The following ACOXL variants were observed in gnomAD, a reference collection of about 807,000 sequenced individuals.
ACOXL encodes acyl-CoA oxidase like.
A neutral mutation model predicts 71.9 loss-of-function variants in ACOXL; 70 were observed. The ratio of observed to expected loss-of-function variants is 0.97; its 90% CI spans 0.80 to 1.19. ACOXL has a LOEUF of 1.19. Among genes scored for constraint, ACOXL ranks in the 50% most tolerant of loss-of-function variants. The pLI, the probability that ACOXL is intolerant of heterozygous loss-of-function variation, is 0.00. For synonymous variants in ACOXL, 253 were observed against 281.6 expected, an observed-to-expected ratio of 0.90 and a Z score of 1.02; for missense variants, 703 against 736.3, an observed-to-expected ratio of 0.95 and a Z score of 0.52.
chr2:111,002,470 T>C (rs1377721353), intron 14 of ACOXL, among the ~76,000 whole-genome samples: 1 of 152,242 alleles, frequency 6.6e-6, no homozygotes, highest in Admixed American at 6.5e-5. Context: ...TCTATGTCAA[T>C]AAAAACATGA....
At chr2:111,074,632 T>A (rs1401851913) in intron 16 of ACOXL, among the ~76,000 whole-genome samples, 1 of 152,090 alleles carries the variant, frequency 6.6e-6, no homozygotes. Flanking sequence ...TCTCATACCA[T>A]CTCCCGTGCT....
intron 12 of ACOXL, among the ~76,000 whole-genome samples, chr2:110,949,002 C>G (rs751750392): frequency 5.9e-5 from 9 of 151,818 alleles, no homozygotes; most frequent in Non-Finnish European, 1.2e-4. Context: ...TGACTTAGAT[C>G]TGATGTGGCA....
chr2:110,931,930 T>G (rs2060491672), intron 11 of ACOXL, among the ~76,000 whole-genome samples: 1 of 152,232 alleles, frequency 6.6e-6, no homozygotes, highest in Non-Finnish European at 1.5e-5. Context: ...ATGTATTTAC[T>G]CAAGAGAAAT....
intron 16 of ACOXL, among the ~76,000 whole-genome samples, chr2:111,075,637 A>T (rs896898200): frequency 6.7e-6 from 1 of 150,298 alleles, no homozygotes; most frequent in Non-Finnish European, 1.5e-5. Flanking sequence ...TTGTTTTTCT[A>T]GTTTCTTGAG....
intron 10 of ACOXL, among the ~76,000 whole-genome samples, chr2:110,853,794 G>A (rs2148942628): frequency 6.6e-6 from 1 of 152,202 alleles, no homozygotes; most frequent in Non-Finnish European, 1.5e-5. Flanking sequence ...TCTACAAAGT[G>A]CAACAGATAA....
chr2:110,938,607 G>A (rs892660102), intron 12 of ACOXL, among the ~76,000 whole-genome samples: 6 of 152,210 alleles, frequency 3.9e-5, no homozygotes, highest in Non-Finnish European at 1.5e-5. Context: ...GGAATATTCA[G>A]GAGATAGCTG....
chr2:110,853,516 T>C (rs1202064026), intron 10 of ACOXL, among the ~76,000 whole-genome samples: 1 of 152,224 alleles, frequency 6.6e-6, no homozygotes, highest in Non-Finnish European at 1.5e-5. Flanking sequence ...ATACTTTCAA[T>C]ATTCCGTGAT....
intron 12 of ACOXL, among the ~76,000 whole-genome samples, chr2:110,951,475 C>G (rs2061332376): frequency 6.6e-6 from 1 of 152,154 alleles, no homozygotes; most frequent in African/African-American, 2.4e-5. Context: ...GTTTCCAATG[C>G]CATGGTTAAT....
chr2:110,760,367 A>G (rs1431194622), intron 1 of ACOXL, among the ~76,000 whole-genome samples: 2 of 151,804 alleles, frequency 1.3e-5, no homozygotes, highest in Non-Finnish European at 2.9e-5. Flanking sequence ...GATGGTCTCG[A>G]TCTCCTGACC....
chr2:110,933,736 C>G (rs2060564572), intron 12 of ACOXL, 94 bp downstream of exon 12: 10 of 1,426,932 alleles, frequency 7.0e-6, no homozygotes, highest in Non-Finnish European at 7.4e-6. Context: ...GCTTCAGAGT[C>G]TAATAGAAAT....
At chr2:111,057,921 C>T (rs747631719) in intron 16 of ACOXL, among the ~76,000 whole-genome samples, 4 of 152,218 alleles carry the variant, frequency 2.6e-5, no homozygotes, top group African/African-American at 4.8e-5. Context: ...AGCAGCGAGC[C>T]GCCCAGGCGT....
intron 14 of ACOXL, 95 bp downstream of exon 14, chr2:110,996,099 C>A: frequency 1.9e-6 from 2 of 1,043,122 alleles, no homozygotes; most frequent in South Asian, 1.3e-5. Context: ...GAGGATGAGT[C>A]AGCCTAATGA....
intron 12 of ACOXL, among the ~76,000 whole-genome samples, chr2:110,960,150 A>G (rs1316726188): frequency 6.6e-6 from 1 of 152,106 alleles, no homozygotes; most frequent in Non-Finnish European, 1.5e-5. Flanking sequence ...GTCTGAGGGG[A>G]GTGTTCCAGG....
At chr2:110,880,231 T>C (rs1696477891) in intron 10 of ACOXL, among the ~76,000 whole-genome samples, 1 of 150,028 alleles carries the variant, frequency 6.7e-6, no homozygotes, top group Admixed American at 6.6e-5. Context: ...AATGCAGACA[T>C]AGACATAGAG....
intron 1 of ACOXL, among the ~76,000 whole-genome samples, chr2:110,764,186 T>TA (rs1344397408): frequency 6.6e-6 from 1 of 152,224 alleles, no homozygotes; most frequent in Non-Finnish European, 1.5e-5. Context: ...ATGGAAAACT[T>TA]ACGTGCACAC....
At chr2:110,805,444 G>T in intron 9 of ACOXL, 49 bp downstream of exon 9, 1 of 1,610,404 alleles carries the variant, frequency 6.2e-7, no homozygotes, top group Non-Finnish European at 8.5e-7. Flanking sequence ...ATTCTCTCAC[G>T]ACTCAGGGAT....
chr2:110,824,624 T>C (rs945793588), intron 9 of ACOXL, among the ~76,000 whole-genome samples: 2 of 152,232 alleles, frequency 1.3e-5, no homozygotes, highest in African/African-American at 4.8e-5. Flanking sequence ...AGTGAACTTT[T>C]ATTTTCAGAT....
At chr2:110,971,239 A>G (rs946219406) in intron 12 of ACOXL, among the ~76,000 whole-genome samples, 1 of 152,250 alleles carries the variant, frequency 6.6e-6, no homozygotes, top group Non-Finnish European at 1.5e-5. Flanking sequence ...TGTAGCCATT[A>G]TGGAAATGCA....
chr2:110,944,243 C>T (rs987978550), intron 12 of ACOXL, among the ~76,000 whole-genome samples: 3 of 151,836 alleles, frequency 2.0e-5, no homozygotes, highest in African/African-American at 7.3e-5. Flanking sequence ...ATAGTAGAGA[C>T]GGGTTTCACT....
Sources: allele counts gnomAD v4.1 joint callset (sites outside exome capture counted in the v4.1 genomes callset), GRCh38; gene constraint gnomAD v4.1.1; transcripts MANE v1.5; gene names NCBI Gene and HGNC (gene_info 2026-07-23, HGNC 2026-07-21).